Variants in KIDINS220 observed in about 807,000 individuals in gnomAD.
KIDINS220 encodes kinase D-interacting substrate of 220 kDa.
KIDINS220 carries 63 observed loss-of-function variants against 157.6 expected under a neutral mutation model. The ratio of observed to expected loss-of-function variants is 0.40; its 90% CI spans 0.33 to 0.49. The LOEUF is 0.49. Among genes scored for constraint, KIDINS220 ranks in the 20% least tolerant of loss-of-function variants. The probability of loss-of-function intolerance (pLI) is 0.66; values close to 1 mark genes in which losing one functional copy is unlikely to be tolerated. For missense variants in KIDINS220, 1,772 were observed against 2,171.2 expected, an observed-to-expected ratio of 0.82 and a Z score of 3.65; for synonymous variants, 732 against 783.6, an observed-to-expected ratio of 0.93 and a Z score of 1.10.
In KIDINS220 at chr2:8,835,726, G is replaced by A. The variant is rs796874603; in HGVS notation, c.-37+1754C>T. 1.7e-4 allele frequency among the ~76,000 whole-genome samples: 26 copies of A among 150,172 alleles called. 3 individuals are homozygous for A. Among genetic ancestry groups the A allele is most frequent in the African/African-American group, 6.4e-4 (26 of 40,858 alleles). ...AGAAAATGGAGGTACCTGGGATCCT[G>A]ACTTCTTTCTGACTCTCATTCAATC... On this transcript the variant is annotated intron_variant, in intron 1 of 29. Transcript: ENST00000256707.
At chr2:8,741,795 G>A (rs1417016595) in intron 26 of KIDINS220, among the ~76,000 whole-genome samples, 1 of 152,118 alleles carries the variant, frequency 6.6e-6, no homozygotes, top group African/African-American at 2.4e-5. Flanking sequence ...ACTTTCAAGC[G>A]GGAAGTGAAG....
chr2:8,783,553 A>C lies in KIDINS220; in HGVS notation c.2229+2188T>G, dbSNP rs118162711. ...GAAAGAAAACTGTCTTAGTTCACAG[A>C]TGACTTGACTCTCTATGTAGAAAAA... On this transcript the variant is annotated intron_variant, in intron 17 of 29. Transcript: ENST00000256707. Among the ~76,000 whole-genome samples the C allele has an allele frequency of 5.5e-4, 84 of 152,302 alleles. 1 individual carries two copies. The East Asian group carries it at 0.011, about 20-fold the overall frequency.
intron 9 of KIDINS220, 166 bp downstream of exon 9, chr2:8,800,234 A>G (rs1351368325): frequency 2.0e-6 from 1 of 496,382 alleles, no homozygotes; most frequent in African/African-American, 1.9e-5. Context: ...TAATATAGAA[A>G]TTTTACAATA....
intron 7 of KIDINS220, among the ~76,000 whole-genome samples, chr2:8,804,497 G>A (rs1675167045): frequency 2.6e-5 from 4 of 152,172 alleles, no homozygotes; most frequent in Non-Finnish European, 1.5e-5. Flanking sequence ...ATTAAAAATT[G>A]CTAATCAGTA....
At chr2:8,739,167 T>A (rs1665290441) in intron 26 of KIDINS220, among the ~76,000 whole-genome samples, 1 of 152,224 alleles carries the variant, frequency 6.6e-6, no homozygotes, top group Non-Finnish European at 1.5e-5. Context: ...TACCCAATGT[T>A]ACTTTCACAA....
intron 2 of KIDINS220, 104 bp from the exon 3 acceptor site, chr2:8,818,897 TGTTTA>T (rs1677492229): frequency 4.0e-6 from 2 of 505,084 alleles, no homozygotes; most frequent in East Asian, 6.5e-5. Context: ...TGTTAAGCAT[TGTTTA>T]GTTGTGTTTA....
chr2:8,817,558 A>G, intron 4 of KIDINS220, 60 bp downstream of exon 4: 2 of 947,864 alleles, frequency 2.1e-6, no homozygotes, highest in Non-Finnish European at 3.2e-6. Flanking sequence ...AATATTTCAC[A>G]CATATCTATG....
At chr2:8,815,675 A>C (rs1676982229) in intron 4 of KIDINS220, among the ~76,000 whole-genome samples, 3 of 151,590 alleles carry the variant, frequency 2.0e-5, no homozygotes, top group Non-Finnish European at 4.4e-5. Context: ...TCTCAGGGGG[A>C]AAAAAAAATA....
chr2:8,829,496 A>G (rs1408344914), intron 1 of KIDINS220, among the ~76,000 whole-genome samples: 21 of 152,310 alleles, frequency 1.4e-4, no homozygotes, highest in African/African-American at 5.1e-4. Flanking sequence ...AAGTAAAACA[A>G]TTTTATCCAT....
Position 8,816,798 on chromosome 2 carries a change from A to AG in KIDINS220, c.306+819dup, listed in dbSNP as rs142266553. 6.7e-3 allele frequency among the ~76,000 whole-genome samples: 1,019 copies of AG among 152,334 alleles called. 11 individuals are homozygous for AG. Among genetic ancestry groups the AG allele is most frequent in the African/African-American group, 0.022 (934 of 41,576 alleles). On this transcript the variant is annotated intron_variant, in intron 4 of 29. Coordinates refer to ENST00000256707, the MANE Select transcript of KIDINS220 (RefSeq NM_020738.4). ...TCTTTTTGGAAATATGTAAGATACC[A>AG]GTGGTTCCCTGTATCTTCCTATAAA...
intron 22 of KIDINS220, among the ~76,000 whole-genome samples, chr2:8,759,112 C>T (rs925831501): frequency 1.3e-5 from 2 of 152,178 alleles, no homozygotes; most frequent in Non-Finnish European, 2.9e-5. Flanking sequence ...AGTAACTACA[C>T]TAGGAAACAA....
At chr2:8,822,309 C>A (rs1678092557) in intron 2 of KIDINS220, among the ~76,000 whole-genome samples, 1 of 152,084 alleles carries the variant, frequency 6.6e-6, no homozygotes, top group Non-Finnish European at 1.5e-5. Flanking sequence ...TCGAAATCCT[C>A]CTTTGAAATT....
chr2:8,791,305 A>T, intron 12 of KIDINS220, 81 bp from the exon 13 acceptor site: 5 of 1,265,034 alleles, frequency 4.0e-6, no homozygotes, highest in Non-Finnish European at 3.3e-6. Flanking sequence ...TGTTTCCTTG[A>T]TTAGAGAGAA....
In KIDINS220 at chr2:8,817,610, G is replaced by A; in HGVS notation, c.306+8C>T. 1.3e-6 allele frequency: 2 copies of A among 1,523,054 alleles called. No individual in the cohort carries two copies. The highest frequency in any genetic ancestry group is 2.3e-5 in the East Asian group (1 of 44,010). The allele number at this position is 1,523,054 out of a possible 1,614,324, so 94.3% of individuals were successfully genotyped here. A position where few individuals can be genotyped will look rare whatever the true frequency, so the allele number is the denominator to read the frequency against. On this transcript the variant is annotated splice_region_variant and intron_variant, in intron 4 of 29. Transcript: ENST00000256707. The stretch of plus-strand genomic sequence containing the variant: ...CAGCTAATTAAGAACATATAAAAAT[G>A]TCCATACCATATCACGGTGCTCCAA...
chr2:8,816,732 T>C (rs1677132124), intron 4 of KIDINS220, among the ~76,000 whole-genome samples: 1 of 152,260 alleles, frequency 6.6e-6, no homozygotes, highest in South Asian at 2.1e-4. Context: ...ACTGACATCA[T>C]TATCTTCTCT....
intron 11 of KIDINS220, among the ~76,000 whole-genome samples, chr2:8,795,477 C>T (rs545400900): frequency 2.6e-5 from 4 of 152,262 alleles, no homozygotes; most frequent in South Asian, 4.1e-4. Context: ...TAACATTAAT[C>T]GTCACTTTTA....
chr2:8,726,063 C>T (rs1663277519), downstream of KIDINS220, among the ~76,000 whole-genome samples: 1 of 152,198 alleles, frequency 6.6e-6, no homozygotes, highest in Non-Finnish European at 1.5e-5. Context: ...GTAATTCATG[C>T]TATTGCTCAT....
chr2:8,801,147 TA>T (rs1674633418), intron 8 of KIDINS220, among the ~76,000 whole-genome samples: 1 of 152,206 alleles, frequency 6.6e-6, no homozygotes, highest in Non-Finnish European at 1.5e-5. Flanking sequence ...TAGTTATATC[TA>T]CCTATACTTA....
intron 2 of KIDINS220, among the ~76,000 whole-genome samples, chr2:8,821,961 C>T (rs1208020999): frequency 2.0e-5 from 3 of 152,146 alleles, no homozygotes; most frequent in African/African-American, 4.8e-5. Flanking sequence ...TGACCCCACA[C>T]ATCCCAGCAA....
Sources: allele counts gnomAD v4.1 joint callset (sites outside exome capture counted in the v4.1 genomes callset), GRCh38; gene constraint gnomAD v4.1.1; transcripts MANE v1.5; gene names NCBI Gene and HGNC (gene_info 2026-07-23, HGNC 2026-07-21).